Variants in SPACA7 observed in about 807,000 individuals in gnomAD.
SPACA7 encodes the protein sperm acrosome-associated protein 7.
Under a neutral mutation model 26.3 loss-of-function variants are expected in SPACA7, and 19 were observed. The observed-to-expected ratio is 0.72, with a 90% CI of 0.50 to 1.06. SPACA7 has a LOEUF of 1.06. Ranked by LOEUF, SPACA7 falls within the 50% of genes least tolerant of loss-of-function variation. The pLI, the probability that SPACA7 is intolerant of heterozygous loss-of-function variation, is 0.00. For missense variants in SPACA7, 211 were observed against 229.9 expected, an observed-to-expected ratio of 0.92 and a Z score of 0.53; for synonymous variants, 84 against 84.5, an observed-to-expected ratio of 0.99 and a Z score of 0.04.
At position 112,431,075 on chromosome 13, in the gene SPACA7, G is replaced by A. The variant is rs572611908; in HGVS notation, c.446-1369G>A. On this transcript the variant is annotated intron_variant, in intron 5 of 6. Coordinates refer to ENST00000283550, the MANE Select transcript of SPACA7 (RefSeq NM_145248.5). ...AAACTGGTAGTGAGGACCAACCACC[G>A]GAAACAGCCTGATGTTTCACTGAAC... Among the ~76,000 whole-genome samples the A allele has an allele frequency of 1.2e-4, 18 of 152,230 alleles. No individual in the cohort carries two copies. In the South Asian group the frequency reaches 2.5e-3, roughly 21 times the overall value.
At chr13:112,432,609 G>A in intron 6 of SPACA7, 88 bp downstream of exon 6, 1 of 996,178 alleles carries the variant, frequency 1.0e-6, no homozygotes, top group Admixed American at 1.9e-5. Flanking sequence ...CAGCTCCAGG[G>A]AGAGCAGGTG....
intron 1 of SPACA7, among the ~76,000 whole-genome samples, chr13:112,377,032 G>A (rs996710917): frequency 6.6e-6 from 1 of 152,176 alleles, no homozygotes; most frequent in Non-Finnish European, 1.5e-5. Flanking sequence ...TTCAAAGGGG[G>A]CTACTACCAT....
chr13:112,410,816 A>G (rs1253195820), intron 5 of SPACA7, among the ~76,000 whole-genome samples: 1 of 152,148 alleles, frequency 6.6e-6, no homozygotes, highest in Non-Finnish European at 1.5e-5. Context: ...ACCCAAAATA[A>G]CTGAAAGCAG....
intron 6 of SPACA7, among the ~76,000 whole-genome samples, chr13:112,432,925 T>C (rs990249245): frequency 1.8e-4 from 27 of 152,196 alleles, no homozygotes; most frequent in African/African-American, 5.8e-4. Flanking sequence ...CCCCACCCTC[T>C]CGTGGGGTGG....
chr13:112,428,559 G>A (rs1876763400), intron 5 of SPACA7, among the ~76,000 whole-genome samples: 2 of 151,886 alleles, frequency 1.3e-5, no homozygotes, highest in African/African-American at 4.8e-5. Flanking sequence ...CGGTCTGGGT[G>A]ACAAAGCGAG....
intron 5 of SPACA7, among the ~76,000 whole-genome samples, chr13:112,407,176 A>G (rs1236891530): frequency 1.3e-5 from 2 of 152,220 alleles, no homozygotes; most frequent in Non-Finnish European, 2.9e-5. Flanking sequence ...CAATGAGAAC[A>G]AAGACACAAC....
intron 1 of SPACA7, among the ~76,000 whole-genome samples, chr13:112,377,257 T>A (rs1351361357): frequency 2.0e-5 from 3 of 152,234 alleles, no homozygotes; most frequent in Non-Finnish European, 4.4e-5. Flanking sequence ...ATTTGGATAT[T>A]ATGATTTTCA....
At chr13:112,405,736 T>C (rs4907699) in intron 5 of SPACA7, among the ~76,000 whole-genome samples, 99,738 of 151,968 alleles carry the variant, frequency 0.66, 33,273 homozygotes, top group African/African-American at 0.78. Flanking sequence ...ATTCAACCTG[T>C]CTTTTGTTAA....
intron 5 of SPACA7, among the ~76,000 whole-genome samples, chr13:112,411,172 TAA>T (rs58713595): frequency 2.7e-5 from 4 of 147,752 alleles, no homozygotes; most frequent in African/African-American, 9.8e-5. Context: ...CTTTAAATTA[TAA>T]AAAAAAAAAT....
Position 112,407,805 on chromosome 13 carries a change from A to C in SPACA7, c.445+6641A>C, listed in dbSNP as rs370927065. ...ACCAGAGGTACAAGGAGGAGCTGGT[A>C]CCATTCCTTCTGAAACTATTCCAAT... On this transcript the variant is annotated intron_variant, in intron 5 of 6. Transcript: ENST00000283550. Among the ~76,000 whole-genome samples, 27 of 152,334 alleles carry C rather than the reference A, an allele frequency of 1.8e-4. No homozygotes were observed. The East Asian group carries it at 1.9e-3, about 11-fold the overall frequency.
Position 112,376,477 on chromosome 13 carries a change from C to T in SPACA7, c.92C>T (p.Pro31Leu). ...GAGCTCCGGCCGAGAACCGTGATTC[C>T]AGGTAGGGCCCCACAGGGATGTCTC... ...ETELRPRTVIPGSPTEIPFSS... is the reference protein window; with the variant it reads ...ETELRPRTVILGSPTEIPFSS... Residue 31 changes from proline (P) to leucine (L), a missense_variant and splice_region_variant, in exon 1 of 7, where the codon CCA (proline) becomes CTA (leucine). Transcript: ENST00000283550. 6.2e-7 allele frequency: 1 copy of T among 1,612,264 alleles called. No homozygotes were observed. Among genetic ancestry groups the T allele is most frequent in the Non-Finnish European group, 8.5e-7 (1 of 1,179,214 alleles).
chr13:112,432,536 A>G lies in SPACA7; in HGVS notation c.523+15A>G. The stretch of plus-strand genomic sequence containing the variant: ...AAGATCTTCAGGTAGATTGGAAATA[A>G]TAGATAAGTGTCTTCTCATTTGGGG... On this transcript the variant is annotated intron_variant, in intron 6 of 6. Coordinates refer to ENST00000283550, the MANE Select transcript of SPACA7 (RefSeq NM_145248.5). 6.5e-7 allele frequency: 1 copy of G among 1,547,632 alleles called. No homozygotes were observed. The highest frequency in any genetic ancestry group is 8.9e-7 in the Non-Finnish European group (1 of 1,119,424).
At chr13:112,405,604 T>C (rs948603431) in intron 5 of SPACA7, among the ~76,000 whole-genome samples, 5 of 152,216 alleles carry the variant, frequency 3.3e-5, no homozygotes, top group Non-Finnish European at 5.9e-5. Flanking sequence ...TTGTGAATGT[T>C]CCATAAGCAC....
chr13:112,401,982 A>C (rs910427390), intron 5 of SPACA7, among the ~76,000 whole-genome samples: 1 of 152,076 alleles, frequency 6.6e-6, no homozygotes, highest in African/African-American at 2.4e-5. Flanking sequence ...GTGTATTTTA[A>C]CCTCTGGGAC....
At chr13:112,391,158 G>A (rs1290443421) in intron 1 of SPACA7, among the ~76,000 whole-genome samples, 1 of 152,220 alleles carries the variant, frequency 6.6e-6, no homozygotes, top group Non-Finnish European at 1.5e-5. Context: ...GAGAAAAAAG[G>A]TCAGAGTTTA....
At chr13:112,422,172 A>G (rs1278995645) in intron 5 of SPACA7, among the ~76,000 whole-genome samples, 1 of 152,206 alleles carries the variant, frequency 6.6e-6, no homozygotes, top group Non-Finnish European at 1.5e-5. Context: ...GTTGACTTCA[A>G]AACAACATTA....
intron 3 of SPACA7, among the ~76,000 whole-genome samples, chr13:112,398,379 C>T (rs1481759228): frequency 1.3e-5 from 2 of 151,974 alleles, no homozygotes; most frequent in Admixed American, 6.6e-5. Context: ...CTCTGGAGTG[C>T]GTGTTCAGGC....
chr13:112,376,621 T>C (rs1320292489), intron 1 of SPACA7, 142 bp downstream of exon 1: 1 of 904,596 alleles, frequency 1.1e-6, no homozygotes, highest in Admixed American at 3.1e-5. Context: ...AGCTGAAAAG[T>C]CTTTCTATCT....
At chr13:112,403,705 T>C (rs978929108) in intron 5 of SPACA7, among the ~76,000 whole-genome samples, 5 of 152,210 alleles carry the variant, frequency 3.3e-5, no homozygotes, top group Non-Finnish European at 7.3e-5. Flanking sequence ...TTACTGCACT[T>C]AGAATAATGG....
Sources: allele counts gnomAD v4.1 joint callset (sites outside exome capture counted in the v4.1 genomes callset), GRCh38; gene constraint gnomAD v4.1.1; transcripts MANE v1.5; gene names NCBI Gene and HGNC (gene_info 2026-07-23, HGNC 2026-07-21).